The following RPIA variants were observed in gnomAD, a reference collection of about 807,000 sequenced individuals.
RPIA encodes ribose 5-phosphate isomerase A.
Under a neutral mutation model 37.8 loss-of-function variants are expected in RPIA, and 29 were observed. The observed-to-expected ratio is 0.77, with a 90% confidence interval of 0.57 to 1.05. RPIA has a LOEUF of 1.05. RPIA is among the 50% of genes least tolerant of loss of function. The probability of loss-of-function intolerance (pLI) is 0.00; values close to 1 mark genes in which losing one functional copy is unlikely to be tolerated. For synonymous variants in RPIA, 167 were observed against 157.0 expected, an observed-to-expected ratio of 1.06 and a Z score of -0.48; for missense variants, 385 against 413.6, an observed-to-expected ratio of 0.93 and a Z score of 0.60.
At chr2:88,725,189 T>G (rs1673180239) in intron 3 of RPIA, among the ~76,000 whole-genome samples, 1 of 152,204 alleles carries the variant, frequency 6.6e-6, no homozygotes, top group Admixed American at 6.5e-5. Flanking sequence ...TGTTAGAAGC[T>G]TCTGGTGTCT....
At chr2:88,736,719 G>C in intron 7 of RPIA, 43 bp downstream of exon 7, 1 of 1,588,464 alleles carries the variant, frequency 6.3e-7, no homozygotes, top group Non-Finnish European at 8.6e-7. Context: ...GGTGCACTCA[G>C]GTTTTCAGTG....
chr2:88,718,076 C>A (rs1673057742), intron 3 of RPIA, among the ~76,000 whole-genome samples: 1 of 151,844 alleles, frequency 6.6e-6, no homozygotes, highest in South Asian at 2.1e-4. Context: ...AAATTCGGAA[C>A]AGTGGGGAAA....
intron 3 of RPIA, among the ~76,000 whole-genome samples, chr2:88,723,741 G>A (rs760591491): frequency 4.6e-5 from 7 of 152,124 alleles, no homozygotes; most frequent in East Asian, 3.8e-4. Flanking sequence ...TTGAGGACAC[G>A]TGCCTGTGAC....
At chr2:88,735,618 C>T in intron 5 of RPIA, 51 bp from the exon 6 acceptor site, 2 of 1,558,348 alleles carry the variant, frequency 1.3e-6, no homozygotes, top group Non-Finnish European at 8.9e-7. Context: ...CCTTAGTTCC[C>T]AAACTGAGAT....
intron 3 of RPIA, among the ~76,000 whole-genome samples, chr2:88,715,302 G>T (rs1311078827): frequency 6.6e-6 from 1 of 152,132 alleles, no homozygotes; most frequent in Non-Finnish European, 1.5e-5. Context: ...GTTCCTCTTC[G>T]GGGGGAAGGG....
Position 88,750,067 on chromosome 2 carries a change from C to T in RPIA, c.925C>T (p.Pro309Ser), listed in dbSNP as rs908562428. Residue 309 changes from proline (P) to serine (S), a missense_variant, in exon 9 of 9, where the codon CCT becomes TCT. Pro to Ser is a moderately conservative substitution (Grantham distance 74). Around this residue, in one of 2 missense-constraint regions of RPIA, gnomAD observed 153 missense variants for 210.6 expected, o/e 0.73. Transcript: ENST00000283646. ...TGGCTCAGTGAACATGAGGGAGAAG[C>T]CTTTCTGTTGACCCTGCAAGGAGCA... Reference protein sequence around the residue: ...QDGSVNMREKPFC With the variant: ...QDGSVNMREKSFC 1.9e-6 allele frequency: 3 copies of T among 1,611,386 alleles called. No individual in the cohort carries two copies. Among genetic ancestry groups the T allele is most frequent in the Non-Finnish European group, 1.7e-6 (2 of 1,178,056 alleles).
chr2:88,706,279 TAATATCGA>T (rs991431097), intron 3 of RPIA, among the ~76,000 whole-genome samples: 1 of 152,112 alleles, frequency 6.6e-6, no homozygotes, highest in Non-Finnish European at 1.5e-5. Flanking sequence ...GCACTATTCA[TAATATCGA>T]AGACATGGAA....
chr2:88,703,174 T>C (rs1409334635), intron 3 of RPIA, among the ~76,000 whole-genome samples: 3 of 152,148 alleles, frequency 2.0e-5, no homozygotes, highest in Non-Finnish European at 4.4e-5. Flanking sequence ...TGGCATTGAG[T>C]GTCTGCAGCT....
intron 3 of RPIA, 89 bp downstream of exon 3, chr2:88,700,153 C>T (rs1672810693): frequency 8.0e-7 from 1 of 1,256,872 alleles, no homozygotes; most frequent in Non-Finnish European, 1.2e-6. Flanking sequence ...TGTCTTGTAC[C>T]TCAAGGTTGT....
At chr2:88,703,726 G>C (rs1000257892) in intron 3 of RPIA, among the ~76,000 whole-genome samples, 1 of 152,202 alleles carries the variant, frequency 6.6e-6, no homozygotes, top group African/African-American at 2.4e-5. Flanking sequence ...CTGTCTTGGG[G>C]ATTAACATTT....
chr2:88,721,544 TACAC>T (rs748522109), intron 3 of RPIA, among the ~76,000 whole-genome samples: 5,021 of 82,536 alleles, frequency 0.061, 274 homozygotes, highest in African/African-American at 0.11. Flanking sequence ...ATATATATTA[TACAC>T]ACACACACAC....
rs186235722 is a variant in RPIA, at chr2:88,702,277, T to G, written c.402+2213T>G. 2.8e-4 allele frequency among the ~76,000 whole-genome samples: 42 copies of G among 152,362 alleles called. 1 individual carries two copies. The highest frequency in any genetic ancestry group is 2.5e-3 in the Admixed American group (38 of 15,302). The stretch of plus-strand genomic sequence containing the variant: ...AAATCAAATGTTGTCTGGTTGCAAG[T>G]AAGATCTAAAACAGCTACAGTCTCA... On this transcript the variant is annotated intron_variant, in intron 3 of 8. Coordinates refer to ENST00000283646, the MANE Select transcript of RPIA (RefSeq NM_144563.3).
intron 8 of RPIA, among the ~76,000 whole-genome samples, chr2:88,741,579 G>T (rs1349801381): frequency 6.6e-6 from 1 of 151,946 alleles, no homozygotes; most frequent in Non-Finnish European, 1.5e-5. Context: ...TTTTCCTCTG[G>T]GTAGATACCC....
chr2:88,725,587 A>T (rs745464801), intron 3 of RPIA, among the ~76,000 whole-genome samples: 35 of 151,956 alleles, frequency 2.3e-4, no homozygotes, highest in Non-Finnish European at 3.8e-4. Flanking sequence ...CTGTGTCAAA[A>T]TTTCCGCTTT....
chr2:88,699,939 C>T, intron 2 of RPIA, 70 bp from the exon 3 acceptor site: 2 of 1,529,916 alleles, frequency 1.3e-6, no homozygotes, highest in Non-Finnish European at 1.8e-6. Flanking sequence ...TGGTTTCGAG[C>T]AAACACATAT....
chr2:88,695,120 G>A (rs570791335), intron 1 of RPIA, among the ~76,000 whole-genome samples: 1 of 152,132 alleles, frequency 6.6e-6, no homozygotes, highest in Non-Finnish European at 1.5e-5. Context: ...CTTCTTACAT[G>A]CCTTTACCTA....
chr2:88,721,616 A>G (rs969854902), intron 3 of RPIA, among the ~76,000 whole-genome samples: 8 of 139,816 alleles, frequency 5.7e-5, no homozygotes, highest in Non-Finnish European at 1.1e-4. Context: ...CACTATTCAC[A>G]ATAGCAAAGA....
At chr2:88,701,433 T>C (rs1290932220) in intron 3 of RPIA, among the ~76,000 whole-genome samples, 2 of 152,098 alleles carry the variant, frequency 1.3e-5, no homozygotes, top group Non-Finnish European at 2.9e-5. Flanking sequence ...TAAAGTTATA[T>C]ATGCACGTGG....
intron 2 of RPIA, 144 bp downstream of exon 2, chr2:88,698,688 C>G: frequency 1.3e-6 from 1 of 796,746 alleles, no homozygotes; most frequent in South Asian, 1.4e-5. Context: ...TACCTGAGGT[C>G]AGTTGAGTGT....
Sources: allele counts gnomAD v4.1 joint callset (sites outside exome capture counted in the v4.1 genomes callset), GRCh38; gene constraint gnomAD v4.1.1; regional missense constraint gnomAD v4.1.1; transcripts MANE v1.5; gene names NCBI Gene and HGNC (gene_info 2026-07-23, HGNC 2026-07-21).